The following SLCO3A1 variants were observed in gnomAD, a reference collection of about 807,000 sequenced individuals.
SLCO3A1 encodes solute carrier organic anion transporter family member 3A1.
In SLCO3A1, 27 loss-of-function variants were observed where a neutral mutation model predicts 63.1. The ratio of observed to expected loss-of-function variants is 0.43; its 90% CI spans 0.32 to 0.59. SLCO3A1 has a LOEUF of 0.59. Among genes scored for constraint, SLCO3A1 ranks in the 20% least tolerant of loss-of-function variants. SLCO3A1 has a pLI of 0.09. For synonymous variants in SLCO3A1, 473 were observed against 409.9 expected, an observed-to-expected ratio of 1.15 and a Z score of -1.86; for missense variants, 773 against 945.8, an observed-to-expected ratio of 0.82 and a Z score of 2.40.
intron 5 of SLCO3A1, among the ~76,000 whole-genome samples, chr15:92,123,114 T>C (rs1231790122): frequency 1.3e-5 from 2 of 152,144 alleles, no homozygotes; most frequent in African/African-American, 2.4e-5. Context: ...TCACAGGACA[T>C]AACATATCTC....
At chr15:92,091,076 C>T (rs993680605) in intron 2 of SLCO3A1, among the ~76,000 whole-genome samples, 1 of 152,214 alleles carries the variant, frequency 6.6e-6, no homozygotes, top group Non-Finnish European at 1.5e-5. Context: ...ATCCTTCCCA[C>T]TGTGCTGCTT....
intron 7 of SLCO3A1, among the ~76,000 whole-genome samples, chr15:92,137,290 A>G (rs2048071883): frequency 1.9e-5 from 2 of 105,134 alleles, no homozygotes; most frequent in Admixed American, 1.1e-4. Flanking sequence ...ATGTCCCTAC[A>G]AAGGACATGA....
At position 92,005,716 on chromosome 15, in the gene SLCO3A1, A is replaced by G. The variant is rs542812775; in HGVS notation, c.647-89165A>G. On this transcript the variant is annotated intron_variant, in intron 2 of 9. Transcript: ENST00000318445. ...CTGACCGCTGAGGGATGCAGAGCAC[A>G]CCTACGCTAGCTCACTTTTACACAA... is the stretch of plus-strand genomic sequence containing the variant. 2.0e-5 allele frequency among the ~76,000 whole-genome samples: 3 copies of G among 152,278 alleles called. No homozygotes were observed. The South Asian group carries it at 6.2e-4, about 32-fold the overall frequency.
intron 1 of SLCO3A1, among the ~76,000 whole-genome samples, chr15:91,879,785 T>C (rs569982154): frequency 6.6e-6 from 1 of 152,346 alleles, no homozygotes; most frequent in South Asian, 2.1e-4. Context: ...TTTTTGGCTT[T>C]CTGAATGAAA....
Position 91,860,396 on chromosome 15 carries a change from A to G in SLCO3A1, c.180+6308A>G, listed in dbSNP as rs1897018680. On this transcript the variant is annotated intron_variant, in intron 1 of 9. Transcript: ENST00000318445. The surrounding 1 kb of genome is among the most constrained non-coding windows in gnomAD (Gnocchi z 5.5). Reference sequence around the variant, plus strand: ...GATAATGATCAAGCTTATCTTACAGATGGTTGTGAGGTTTAAACAAATAGT... The same window carrying G: ...GATAATGATCAAGCTTATCTTACAGGTGGTTGTGAGGTTTAAACAAATAGT... 6.6e-6 allele frequency among the ~76,000 whole-genome samples: 1 copy of G among 152,234 alleles called. No individual in the cohort carries two copies. The highest frequency in any genetic ancestry group is 1.5e-5 in the Non-Finnish European group (1 of 68,038).
intron 4 of SLCO3A1, among the ~76,000 whole-genome samples, chr15:92,104,942 G>A (rs2238362): frequency 0.74 from 111,209 of 151,084 alleles, 41,059 homozygotes; most frequent in Admixed American, 0.83. Flanking sequence ...AGCATTCTTT[G>A]AAAAGCCACC....
rs2048473727 is a variant in SLCO3A1 at position 92,164,159 on chromosome 15, GATTT to G, written c.*1028_*1031del. The G allele has an allele frequency of 2.5e-5, 25 of 985,060 alleles. No individual in the cohort carries two copies. Among genetic ancestry groups the G allele is most frequent in the Non-Finnish European group, 3.0e-5 (25 of 829,674 alleles). 61.0% of individuals were successfully genotyped at this position (985,060 alleles called of 1,614,324 possible). A position where few individuals can be genotyped will look rare whatever the true frequency, so the allele number is the denominator to read the frequency against. Reference sequence around the variant, plus strand: ...GTCACTAACACAGTTCTCTAGGCCGGATTTATTATGCTGGTTGCTTTTACTTTTT... The same window carrying G: ...GTCACTAACACAGTTCTCTAGGCCGGATTATGCTGGTTGCTTTTACTTTTT... On this transcript the variant is annotated 3_prime_UTR_variant, in exon 10 of 10. Coordinates refer to ENST00000318445, the MANE Select transcript of SLCO3A1 (RefSeq NM_013272.4).
chr15:92,014,912 T>C (rs932727536), intron 2 of SLCO3A1, among the ~76,000 whole-genome samples: 1 of 152,068 alleles, frequency 6.6e-6, no homozygotes, highest in African/African-American at 2.4e-5. Context: ...TGGAGGGAAC[T>C]GAGCTAGCTG....
chr15:92,073,874 A>G (rs1022153056), intron 2 of SLCO3A1, among the ~76,000 whole-genome samples: 2 of 152,200 alleles, frequency 1.3e-5, no homozygotes, highest in African/African-American at 4.8e-5. Flanking sequence ...GCTTTAAGAG[A>G]ACCTATGCTC....
downstream of SLCO3A1, among the ~76,000 whole-genome samples, chr15:92,169,518 C>G (rs1488362361): frequency 2.0e-5 from 3 of 152,206 alleles, no homozygotes; most frequent in Non-Finnish European, 4.4e-5. Context: ...AACCCCTGAT[C>G]CCAGTGGTCC....
chr15:91,891,057 T>G (rs1897856585), intron 1 of SLCO3A1, among the ~76,000 whole-genome samples: 1 of 151,974 alleles, frequency 6.6e-6, no homozygotes, highest in Non-Finnish European at 1.5e-5. Context: ...CTATTTTATT[T>G]AACTCATTAA....
intron 1 of SLCO3A1, 36 bp from the exon 2 acceptor site, chr15:91,915,957 T>C (rs4077721): frequency 0.61 from 936,705 of 1,547,750 alleles, 287,597 homozygotes; most frequent in East Asian, 0.91. Context: ...GGCATCTTCT[T>C]GGATTGGCTC....
rs1020515268 is a variant in SLCO3A1 at position 91,954,293 on chromosome 15, A to G, written c.646+37835A>G. 6.6e-6 allele frequency among the ~76,000 whole-genome samples: 1 copy of G among 152,070 alleles called. No homozygotes were observed. Among genetic ancestry groups the G allele is most frequent in the Non-Finnish European group, 1.5e-5 (1 of 68,020 alleles). ...CTCACTTGTCTCTGAGCCCTTTGTG[A>G]GTTTCTCAGGATAAACCATCCACCC... On this transcript the variant is annotated intron_variant, in intron 2 of 9. Coordinates refer to ENST00000318445, the MANE Select transcript of SLCO3A1 (RefSeq NM_013272.4). The surrounding 1 kb of genome is among the most constrained non-coding windows in gnomAD (Gnocchi z 4.7).
At chr15:91,970,779 G>A (rs1567044330) in intron 2 of SLCO3A1, among the ~76,000 whole-genome samples, 1 of 152,152 alleles carries the variant, frequency 6.6e-6, no homozygotes, top group Non-Finnish European at 1.5e-5. Flanking sequence ...CTTCTGACAG[G>A]CGGCAGTCTT....
At chr15:92,035,880 C>T (rs1465262442) in intron 2 of SLCO3A1, among the ~76,000 whole-genome samples, 1 of 151,792 alleles carries the variant, frequency 6.6e-6, no homozygotes, top group Non-Finnish European at 1.5e-5. Context: ...TTGGGTGGTA[C>T]CACAATTTGG....
chr15:92,151,143 A>C (rs1171774658), intron 9 of SLCO3A1, 129 bp downstream of exon 9: 1 of 683,934 alleles, frequency 1.5e-6, no homozygotes, highest in African/African-American at 1.8e-5. Flanking sequence ...ATTAGTAAAT[A>C]AGAAATTTTA....
chr15:92,046,850 A>G (rs1022459991), intron 2 of SLCO3A1, among the ~76,000 whole-genome samples: 3 of 149,402 alleles, frequency 2.0e-5, no homozygotes, highest in Non-Finnish European at 4.4e-5. Flanking sequence ...GGTGTTTCTC[A>G]GACTGTTTTC....
At position 92,033,984 on chromosome 15, in the gene SLCO3A1, C is replaced by G. The variant is rs1191213030; in HGVS notation, c.647-60897C>G. Reference sequence around the variant, plus strand: ...GGGAGGAGCAGAATGAATGGGGGCGCCATGGCAGATCACGTGGAGTCCTGG... The same window carrying G: ...GGGAGGAGCAGAATGAATGGGGGCGGCATGGCAGATCACGTGGAGTCCTGG... On this transcript the variant is annotated intron_variant, in intron 2 of 9. Coordinates refer to ENST00000318445, the MANE Select transcript of SLCO3A1 (RefSeq NM_013272.4). The surrounding 1 kb of genome is among the most constrained non-coding windows in gnomAD (Gnocchi z 4.5). Among the ~76,000 whole-genome samples the G allele has an allele frequency of 6.6e-6, 1 of 151,900 alleles. No individual in the cohort carries two copies.
intron 2 of SLCO3A1, among the ~76,000 whole-genome samples, chr15:92,034,896 T>G (rs779920573): frequency 2.0e-5 from 3 of 151,966 alleles, no homozygotes; most frequent in African/African-American, 4.8e-5. Flanking sequence ...ATTCGCTGAT[T>G]TCCTGTTTAA....
Sources: gnomAD v4.1 joint callset for allele counts (sites outside exome capture counted in the v4.1 genomes callset) on GRCh38, gnomAD v4.1.1 for gene constraint, Gnocchi (gnomAD v3.1) non-coding constraint, MANE v1.5 for transcripts, NCBI Gene and HGNC (gene_info 2026-07-23, HGNC 2026-07-21) for gene names.